Variants in NBAS observed in about 807,000 individuals in gnomAD.
The protein encoded by NBAS is NBAS subunit of NRZ tethering complex, also known as NAG/BC035112 fusion.
In NBAS, 219 loss-of-function variants were observed where a neutral mutation model predicts 302.5. The observed-to-expected ratio is 0.72, with a 90% CI of 0.65 to 0.81. NBAS has a LOEUF of 0.81. Among genes scored for constraint, NBAS ranks in the 30% least tolerant of loss-of-function variants. NBAS has a pLI of 0.00. For synonymous variants in NBAS, 1,118 were observed against 1,021.6 expected (o/e 1.09, Z -1.80); for missense variants, 2,932 against 2,841.6 (o/e 1.03, Z -0.72).
At chr2:15,190,140 C>CAAAT in intron 49 of NBAS, 124 bp downstream of exon 49, 1 of 1,115,152 alleles carries the variant, frequency 9.0e-7, no homozygotes, top group Non-Finnish European at 1.3e-6. Flanking sequence ...CCTCTAAAGG[C>CAAAT]AAATACTGAC....
At chr2:14,815,452 A>G in the NBAS span, among the ~76,000 whole-genome samples, 1 of 152,214 alleles carries the variant, frequency 6.6e-6, no homozygotes, top group Non-Finnish European at 1.5e-5. Context: ...GTTGTCAGCC[A>G]AAGAGTGCCC....
rs146839332 is a variant in NBAS at position 15,247,646 on chromosome 2, A to C, written c.5725-8960T>G. On this transcript the variant is annotated intron_variant, in intron 44 of 51. Coordinates refer to ENST00000281513, the MANE Select transcript of NBAS (RefSeq NM_015909.4). ...GCATTACATAATGGTAAAGGGATCA[A>C]TGCACCAAGAAGAGCTACTCTCTCT... Among the ~76,000 whole-genome samples, 1,032 of 151,886 alleles carry C rather than the reference A, an allele frequency of 6.8e-3. 10 individuals carry two copies. The highest frequency in any genetic ancestry group is 0.023 in the African/African-American group (931 of 41,374).
chr2:15,202,469 T>C (rs1318608242), intron 48 of NBAS, among the ~76,000 whole-genome samples: 1 of 152,202 alleles, frequency 6.6e-6, no homozygotes, highest in Non-Finnish European at 1.5e-5. Context: ...CTAAGACAAA[T>C]AATCAATCAT....
the NBAS span, among the ~76,000 whole-genome samples, chr2:15,106,034 T>G: frequency 2.0e-5 from 3 of 152,168 alleles, no homozygotes; most frequent in Non-Finnish European, 4.4e-5. Context: ...GAGATGGCTT[T>G]GGATACTATT....
At chr2:14,821,353 A>G in the NBAS span, among the ~76,000 whole-genome samples, 1 of 151,888 alleles carries the variant, frequency 6.6e-6, no homozygotes, top group Non-Finnish European at 1.5e-5. Context: ...TCTCATTTGC[A>G]TTTTCCAGAG....
chr2:15,225,077 A>G (rs777912721), intron 47 of NBAS, among the ~76,000 whole-genome samples: 3 of 152,246 alleles, frequency 2.0e-5, no homozygotes, highest in Non-Finnish European at 4.4e-5. Context: ...GGATGTTGGT[A>G]TGCACACAAT....
chr2:15,162,449 G>A (rs1186292572), downstream of NBAS, among the ~76,000 whole-genome samples: 1 of 152,194 alleles, frequency 6.6e-6, no homozygotes, highest in Non-Finnish European at 1.5e-5. Flanking sequence ...AACTCTGACA[G>A]CCACCGGGGG....
chr2:15,250,128 G>C (rs1220787235), intron 44 of NBAS, among the ~76,000 whole-genome samples: 1 of 152,064 alleles, frequency 6.6e-6, no homozygotes, highest in African/African-American at 2.4e-5. Context: ...TAGACCAATG[G>C]AACAAAACAG....
At chr2:15,431,834 C>A (rs1677780818) in intron 21 of NBAS, among the ~76,000 whole-genome samples, 1 of 151,696 alleles carries the variant, frequency 6.6e-6, no homozygotes, top group African/African-American at 2.4e-5. Context: ...CCCATTATAT[C>A]TCAGTTAATA....
chr2:15,280,404 G>C (rs1669770957), intron 42 of NBAS, among the ~76,000 whole-genome samples: 1 of 151,982 alleles, frequency 6.6e-6, no homozygotes, highest in East Asian at 1.9e-4. Flanking sequence ...CGGGAGAGGG[G>C]GAAGAGAGAA....
At chr2:14,838,616 G>A in the NBAS span, among the ~76,000 whole-genome samples, 2 of 151,922 alleles carry the variant, frequency 1.3e-5, no homozygotes, top group Non-Finnish European at 2.9e-5. Flanking sequence ...TGTATGCTGT[G>A]ATTTTTTATT....
chr2:15,510,557 A>G (rs1366657643), intron 10 of NBAS, among the ~76,000 whole-genome samples: 1 of 152,240 alleles, frequency 6.6e-6, no homozygotes, highest in Non-Finnish European at 1.5e-5. Flanking sequence ...TAAGCCACAG[A>G]AATTTCAGGA....
the NBAS span, among the ~76,000 whole-genome samples, chr2:15,147,515 T>G: frequency 6.6e-6 from 1 of 151,912 alleles, no homozygotes; most frequent in African/African-American, 2.4e-5. Context: ...ATCGCTTGAA[T>G]CCGGAGGTGG....
the NBAS span, among the ~76,000 whole-genome samples, chr2:14,903,885 G>A: frequency 6.6e-6 from 1 of 152,078 alleles, no homozygotes; most frequent in Admixed American, 6.5e-5. Context: ...GGGCCTGAGG[G>A]TGGGGGGAGG....
At chr2:15,186,114 G>A (rs1572413675) in intron 50 of NBAS, among the ~76,000 whole-genome samples, 1 of 146,754 alleles carries the variant, frequency 6.8e-6, no homozygotes, top group Non-Finnish European at 1.5e-5. Flanking sequence ...ACACACATAT[G>A]TGTATGTATG....
At chr2:15,062,293 A>T in the NBAS span, among the ~76,000 whole-genome samples, 1 of 152,204 alleles carries the variant, frequency 6.6e-6, no homozygotes, top group African/African-American at 2.4e-5. Context: ...CTCTCTGAGC[A>T]CCATCTATTA....
the NBAS span, among the ~76,000 whole-genome samples, chr2:14,895,739 C>CAAAAAAAAAAAAAAAAAAAAAAA: frequency 1.0e-4 from 10 of 95,468 alleles, no homozygotes; most frequent in African/African-American, 3.1e-4. Flanking sequence ...GACTCCGTCT[C>CAAAAAAAAAAAAAAAAAAAAAAA]AAAAAAAAAA....
the NBAS span, among the ~76,000 whole-genome samples, chr2:14,995,179 T>C: frequency 4.6e-5 from 7 of 152,178 alleles, no homozygotes; most frequent in South Asian, 1.4e-3. Flanking sequence ...CATTTAACAT[T>C]AGGTATATCT....
chr2:14,877,049 TA>T, the NBAS span, among the ~76,000 whole-genome samples: 1 of 152,238 alleles, frequency 6.6e-6, no homozygotes, highest in African/African-American at 2.4e-5. Flanking sequence ...ACCACGTTCT[TA>T]ACTCTGAGCT....
Sources: gnomAD v4.1 joint callset for allele counts (sites outside exome capture counted in the v4.1 genomes callset) on GRCh38, gnomAD v4.1.1 for gene constraint, MANE v1.5 for transcripts, NCBI Gene and HGNC (gene_info 2026-07-23, HGNC 2026-07-21) for gene names.